Variants in CPLX2 observed in about 807,000 individuals in gnomAD.
The protein encoded by CPLX2 is complexin 2.
CPLX2 carries 5 observed loss-of-function variants against 16.3 expected under a neutral mutation model. The ratio of observed to expected loss-of-function variants is 0.31; its 90% CI spans 0.16 to 0.64. The LOEUF (loss-of-function observed/expected upper bound fraction) is 0.64, where lower values mean the gene tolerates loss of function less well. Among genes scored for constraint, CPLX2 ranks in the 30% least tolerant of loss-of-function variants. The probability of loss-of-function intolerance (pLI) is 0.79; values close to 1 mark genes in which losing one functional copy is unlikely to be tolerated. For missense variants in CPLX2, 144 were observed against 181.4 expected (o/e 0.79, Z 1.18); for synonymous variants, 89 against 73.2 (o/e 1.22, Z -1.10).
chr5:175,806,292 T>G (rs1758199601), intron 1 of CPLX2, among the ~76,000 whole-genome samples: 1 of 152,066 alleles, frequency 6.6e-6, no homozygotes, highest in Admixed American at 6.5e-5. Flanking sequence ...ATGCTGTTCC[T>G]TCTGCCTGGA....
intron 2 of CPLX2, among the ~76,000 whole-genome samples, chr5:175,847,176 G>A (rs1759057983): frequency 6.6e-6 from 1 of 152,236 alleles, no homozygotes; most frequent in Non-Finnish European, 1.5e-5. Flanking sequence ...AAGTTTCTGA[G>A]CAGGGGAGTG....
intron 2 of CPLX2, among the ~76,000 whole-genome samples, chr5:175,835,212 G>A (rs904166599): frequency 2.6e-5 from 4 of 152,130 alleles, no homozygotes; most frequent in Non-Finnish European, 5.9e-5. Context: ...TACAGTTACC[G>A]GAGCCTGGAG....
intron 2 of CPLX2, among the ~76,000 whole-genome samples, chr5:175,863,144 T>A (rs1759403966): frequency 6.6e-6 from 1 of 152,238 alleles, no homozygotes; most frequent in African/African-American, 2.4e-5. Flanking sequence ...GAATTTCTTA[T>A]GTAAGTCCTT....
At chr5:175,799,469 C>T (rs1362712704) in intron 1 of CPLX2, among the ~76,000 whole-genome samples, 2 of 149,500 alleles carry the variant, frequency 1.3e-5, no homozygotes, top group East Asian at 3.9e-4. Context: ...AAGAAATACC[C>T]TTCTTTGTTC....
Position 175,872,532 on chromosome 5 carries a change from G to A in CPLX2, c.-89+827G>A, listed in dbSNP as rs1759652991. Among the ~76,000 whole-genome samples the A allele has an allele frequency of 6.6e-6, 1 of 152,084 alleles. No individual in the cohort carries two copies. Among genetic ancestry groups the A allele is most frequent in the Non-Finnish European group, 1.5e-5 (1 of 68,000 alleles). ...GCTGCTGGGGGTGTGGGTCTCCGCG[G>A]GGGTCCGGGAGAGGGGCGCCGGGGT... On this transcript the variant is annotated intron_variant, in intron 1 of 3. Coordinates refer to ENST00000393745, the MANE Select transcript of CPLX2 (RefSeq NM_001008220.2). The surrounding 1 kb of genome is among the most constrained non-coding windows in gnomAD (Gnocchi z 5.0).
At chr5:175,874,725 C>CAG (rs1759717414) in intron 1 of CPLX2, among the ~76,000 whole-genome samples, 1 of 151,744 alleles carries the variant, frequency 6.6e-6, no homozygotes, top group Admixed American at 6.6e-5. Flanking sequence ...GGAGGGGAGG[C>CAG]AGAGAGAGGG....
chr5:175,797,902 C>A (rs2434237), intron 1 of CPLX2, among the ~76,000 whole-genome samples: 27,945 of 152,142 alleles, frequency 0.18, 2,671 homozygotes, highest in South Asian at 0.25. Context: ...GGAAAGCATA[C>A]GTGGAAGAGA....
At chr5:175,820,354 T>C (rs1342572323) in intron 2 of CPLX2, among the ~76,000 whole-genome samples, 4 of 152,198 alleles carry the variant, frequency 2.6e-5, no homozygotes, top group Non-Finnish European at 5.9e-5. Flanking sequence ...CGGGGCTCCG[T>C]GTTCTGCCCA....
intron 2 of CPLX2, among the ~76,000 whole-genome samples, chr5:175,840,049 T>C (rs917241729): frequency 1.3e-5 from 2 of 152,248 alleles, no homozygotes; most frequent in South Asian, 2.1e-4. Context: ...AGGTCGTTCT[T>C]ACCACTCAGA....
At chr5:175,876,065 G>C (rs1759749234) in intron 1 of CPLX2, among the ~76,000 whole-genome samples, 1 of 152,064 alleles carries the variant, frequency 6.6e-6, no homozygotes, top group Non-Finnish European at 1.5e-5. Flanking sequence ...TCCAGGAAAG[G>C]GTATCCAGGA....
intron 2 of CPLX2, among the ~76,000 whole-genome samples, chr5:175,858,467 A>G (rs1171389420): frequency 6.6e-6 from 1 of 152,210 alleles, no homozygotes; most frequent in Non-Finnish European, 1.5e-5. Context: ...GGCCCATTTG[A>G]GGAGAGCTAC....
intron 1 of CPLX2, among the ~76,000 whole-genome samples, chr5:175,806,924 A>G (rs575751478): frequency 6.6e-6 from 1 of 152,308 alleles, no homozygotes; most frequent in Admixed American, 6.5e-5. Context: ...CCTCCGTGCC[A>G]TCCTCTGTGT....
chr5:175,812,855 A>C (rs1758338136), intron 2 of CPLX2, among the ~76,000 whole-genome samples: 1 of 152,222 alleles, frequency 6.6e-6, no homozygotes. Context: ...TATATGTTGG[A>C]TTTCCTCCTA....
upstream of CPLX2, among the ~76,000 whole-genome samples, chr5:175,868,875 A>G (rs1243213799): frequency 6.6e-6 from 1 of 152,190 alleles, no homozygotes; most frequent in African/African-American, 2.4e-5. Context: ...CCTGGTCTGG[A>G]ACCCTGGCTC....
intron 2 of CPLX2, among the ~76,000 whole-genome samples, chr5:175,839,482 AC>A (rs1349021380): frequency 2.6e-5 from 4 of 152,066 alleles, no homozygotes; most frequent in Non-Finnish European, 5.9e-5. Flanking sequence ...ATGGGGTTTC[AC>A]CATGTTGGCC....
At chr5:175,811,931 T>C (rs958673037) in intron 2 of CPLX2, among the ~76,000 whole-genome samples, 1 of 152,218 alleles carries the variant, frequency 6.6e-6, no homozygotes, top group Non-Finnish European at 1.5e-5. Flanking sequence ...GAGGGATCTT[T>C]TTGGGGTACC....
At chr5:175,851,287 G>A (rs181066447) in intron 2 of CPLX2, among the ~76,000 whole-genome samples, 3 of 152,252 alleles carry the variant, frequency 2.0e-5, no homozygotes, top group Admixed American at 6.5e-5. Context: ...CAGCTGTCAG[G>A]TCCAGTTGGG....
rs182581126 is a variant in CPLX2 at position 175,830,345 on chromosome 5, A to G, written c.-89+21277A>G. ...TTTTCAGCTGAAATCATTGATGCTC[A>G]GACATGAAGCAACTTGCCCAGGGTT... On this transcript the variant is annotated intron_variant, in intron 2 of 4. Transcript: ENST00000359546. The surrounding 1 kb of genome is among the most constrained non-coding windows in gnomAD (Gnocchi z 4.0). Among the ~76,000 whole-genome samples the G allele has an allele frequency of 6.4e-4, 97 of 152,352 alleles. No individual in the cohort carries two copies. The highest frequency in any genetic ancestry group is 2.3e-3 in the African/African-American group (95 of 41,582).
At chr5:175,817,046 G>A (rs1266569159) in intron 2 of CPLX2, among the ~76,000 whole-genome samples, 3 of 152,214 alleles carry the variant, frequency 2.0e-5, no homozygotes, top group Admixed American at 6.5e-5. Flanking sequence ...GTGCACTCGG[G>A]GATACCGACC....
Sources: allele counts gnomAD v4.1 joint callset (sites outside exome capture counted in the v4.1 genomes callset), GRCh38; gene constraint gnomAD v4.1.1; non-coding constraint Gnocchi (gnomAD v3.1); transcripts MANE v1.5; gene names NCBI Gene and HGNC (gene_info 2026-07-23, HGNC 2026-07-21).